Variants in NELL2 observed in about 807,000 individuals in gnomAD.
The protein encoded by NELL2 is neural EGFL like 2, also known as protein kinase C-binding protein NELL2.
NELL2 carries 41 observed loss-of-function variants against 109.6 expected under a neutral mutation model. The observed-to-expected ratio is 0.37, with a 90% CI of 0.29 to 0.49. The LOEUF (loss-of-function observed/expected upper bound fraction) is 0.49, where lower values mean the gene tolerates loss of function less well. NELL2 is among the 20% of genes least tolerant of loss of function. The pLI is 0.98. For missense variants in NELL2, 900 were observed against 1,008.3 expected (o/e 0.89, Z 1.45); for synonymous variants, 355 against 344.7 (o/e 1.03, Z -0.33).
In NELL2 at chr12:44,532,216, C is replaced by T. The variant is rs1232003485; in HGVS notation, c.1804+365G>A. ...ATCATCATTGCATTTCCTCTATCCC[C>T]ATTTTCCCTCTATCTTGCTTTTCTC... On this transcript the variant is annotated intron_variant, in intron 16 of 19. Coordinates refer to ENST00000429094, the MANE Select transcript of NELL2 (RefSeq NM_001145108.2). 2.0e-5 allele frequency among the ~76,000 whole-genome samples: 3 copies of T among 152,146 alleles called. No individual in the cohort carries two copies. In the East Asian group the frequency reaches 5.8e-4, roughly 29 times the overall value.
intron 1 of NELL2, among the ~76,000 whole-genome samples, chr12:44,886,093 AAG>A (rs1945468810): frequency 1.7e-5 from 1 of 57,678 alleles, no homozygotes; most frequent in Non-Finnish European, 3.4e-5. Context: ...GTAAGGAAGG[AAG>A]GAAGGAAGGA....
At chr12:44,634,642 T>C (rs576627529) in intron 13 of NELL2, among the ~76,000 whole-genome samples, 48 of 152,324 alleles carry the variant, frequency 3.2e-4, no homozygotes, top group African/African-American at 1.1e-3. Flanking sequence ...TGCGTGTGTA[T>C]GTGTCTTTAT....
intron 13 of NELL2, among the ~76,000 whole-genome samples, chr12:44,661,908 C>A (rs556073514): frequency 1.3e-5 from 2 of 151,978 alleles, no homozygotes; most frequent in Admixed American, 1.3e-4. Flanking sequence ...TCTGTTCTCC[C>A]TTCCCCCTTC....
chr12:44,788,152 G>C (rs1472458471), intron 3 of NELL2, among the ~76,000 whole-genome samples: 2 of 152,118 alleles, frequency 1.3e-5, no homozygotes, highest in Non-Finnish European at 2.9e-5. Flanking sequence ...TATGGCGATG[G>C]GAGGCAGGAC....
At chr12:44,528,793 CTA>C (rs1459228553) in intron 16 of NELL2, among the ~76,000 whole-genome samples, 1 of 151,960 alleles carries the variant, frequency 6.6e-6, no homozygotes, top group African/African-American at 2.4e-5. Context: ...AGGTGGGAGA[CTA>C]TTTTAAATTA....
intron 9 of NELL2, among the ~76,000 whole-genome samples, chr12:44,745,477 A>C (rs1209906594): frequency 6.6e-6 from 1 of 152,158 alleles, no homozygotes; most frequent in Non-Finnish European, 1.5e-5. Context: ...AAGGAAATAA[A>C]GGGTATTCAA....
At chr12:44,868,484 T>C (rs1945072680) in intron 2 of NELL2, among the ~76,000 whole-genome samples, 1 of 152,202 alleles carries the variant, frequency 6.6e-6, no homozygotes, top group Non-Finnish European at 1.5e-5. Context: ...TGAATAATGC[T>C]GCAAAGAACA....
At chr12:44,534,527 T>C (rs1419339044) in intron 15 of NELL2, among the ~76,000 whole-genome samples, 5 of 152,156 alleles carry the variant, frequency 3.3e-5, no homozygotes, top group Non-Finnish European at 1.5e-5. Flanking sequence ...TCATAAGTTT[T>C]GTGAAATAGT....
rs189439452 is a variant in NELL2, at chr12:44,642,237, A to G, written c.1444+23247T>C. On this transcript the variant is annotated intron_variant, in intron 13 of 19. Coordinates refer to ENST00000429094, the MANE Select transcript of NELL2 (RefSeq NM_001145108.2). ...TGATTCTTAACCTGATAAGCATTCTATCCAAACTGAAAAAGATGTTGAAAA... is the reference window on the plus strand; with the variant it reads ...TGATTCTTAACCTGATAAGCATTCTGTCCAAACTGAAAAAGATGTTGAAAA... Among the ~76,000 whole-genome samples the G allele has an allele frequency of 5.3e-5, 8 of 152,334 alleles. No homozygotes were observed. In the South Asian group the frequency reaches 1.7e-3, roughly 32 times the overall value.
intron 2 of NELL2, among the ~76,000 whole-genome samples, chr12:44,868,316 G>C (rs1945066994): frequency 6.6e-6 from 1 of 152,056 alleles, no homozygotes; most frequent in Admixed American, 6.6e-5. Context: ...ATATGCTTTG[G>C]TCATGGATTC....
chr12:44,884,705 G>A (rs1445929753), intron 1 of NELL2, among the ~76,000 whole-genome samples: 1 of 151,928 alleles, frequency 6.6e-6, no homozygotes, highest in Non-Finnish European at 1.5e-5. Flanking sequence ...ACAACAAGGT[G>A]GGGTTCATTC....
chr12:44,717,842 C>T (rs987962861), intron 9 of NELL2, among the ~76,000 whole-genome samples: 4 of 152,118 alleles, frequency 2.6e-5, no homozygotes, highest in Non-Finnish European at 4.4e-5. Context: ...CATTGGTGAA[C>T]GCTACTTGAA....
chr12:44,533,517 C>T (rs1259497008), intron 15 of NELL2, among the ~76,000 whole-genome samples: 1 of 152,058 alleles, frequency 6.6e-6, no homozygotes, highest in Non-Finnish European at 1.5e-5. Flanking sequence ...TAAAAGTTCA[C>T]AGTGCCTGAC....
chr12:44,851,392 A>T (rs376855346), intron 2 of NELL2, among the ~76,000 whole-genome samples: 2 of 152,322 alleles, frequency 1.3e-5, no homozygotes, highest in East Asian at 3.9e-4. Context: ...CAGAATAATG[A>T]AATATTAAAT....
intron 3 of NELL2, among the ~76,000 whole-genome samples, chr12:44,791,111 A>G (rs370502419): frequency 0.15 from 8,092 of 52,384 alleles, 1,299 homozygotes; most frequent in East Asian, 0.47. Context: ...ATATATATGT[A>G]TATATATATG....
chr12:44,537,016 C>CA (rs34872244), intron 15 of NELL2, among the ~76,000 whole-genome samples: 56,806 of 107,604 alleles, frequency 0.53, 13,129 homozygotes, highest in East Asian at 0.68. Context: ...AAACAAAAAC[C>CA]AAAAAAAAAA....
At chr12:44,884,028 A>T (rs989270837) in intron 1 of NELL2, among the ~76,000 whole-genome samples, 4 of 151,944 alleles carry the variant, frequency 2.6e-5, no homozygotes, top group Non-Finnish European at 4.4e-5. Flanking sequence ...GACTGAACTC[A>T]TCAGAAGGAA....
intron 15 of NELL2, among the ~76,000 whole-genome samples, chr12:44,576,220 G>A (rs1485520945): frequency 2.6e-5 from 4 of 152,096 alleles, no homozygotes; most frequent in Non-Finnish European, 5.9e-5. Flanking sequence ...CACTCCCCAC[G>A]CACAACGTGG....
intron 3 of NELL2, among the ~76,000 whole-genome samples, chr12:44,799,084 G>A (rs932317803): frequency 6.7e-6 from 1 of 148,522 alleles, no homozygotes; most frequent in Non-Finnish European, 1.5e-5. Flanking sequence ...TCAGCCTCCC[G>A]AGTAGCTAGG....
Sources: gnomAD v4.1 joint callset for allele counts (sites outside exome capture counted in the v4.1 genomes callset) on GRCh38, gnomAD v4.1.1 for gene constraint, MANE v1.5 for transcripts, NCBI Gene and HGNC (gene_info 2026-07-23, HGNC 2026-07-21) for gene names.